The following SUFU variants were observed in gnomAD, a reference collection of about 807,000 sequenced individuals.
The protein encoded by SUFU is suppressor of fused homolog.
SUFU carries 7 observed loss-of-function variants against 58.9 expected under a neutral mutation model. The observed-to-expected ratio is 0.12, with a 90% CI of 0.07 to 0.22. SUFU has a LOEUF of 0.22. Ranked by LOEUF, SUFU falls within the 10% of genes least tolerant of loss-of-function variation. The pLI is 1.00. For missense variants in SUFU, 451 were observed against 641.3 expected (o/e 0.70, Z 3.20); for synonymous variants, 232 against 254.8 (o/e 0.91, Z 0.85).
chr10:102,615,722 C>G (rs2063679622), intron 9 of SUFU, among the ~76,000 whole-genome samples: 1 of 152,172 alleles, frequency 6.6e-6, no homozygotes, highest in Admixed American at 6.5e-5. Context: ...TTGCCCAACC[C>G]TCTGGCTGGC....
Position 102,541,697 on chromosome 10 carries a change from CTTTTTT to C in SUFU, c.318-8254_318-8249del, listed in dbSNP as rs869264798. Among the ~76,000 whole-genome samples, 66 of 56,094 alleles carry C rather than the reference CTTTTTT, an allele frequency of 1.2e-3. No individual in the cohort carries two copies. The Middle Eastern group carries it at 0.079, about 67-fold the overall frequency. 36.8% of individuals were successfully genotyped at this position (56,094 alleles called of 152,430 possible). On this transcript the variant is annotated intron_variant, in intron 2 of 11. Transcript: ENST00000369902. ...TGCAGGCGTGAGCCACCGCGCCCGG[CTTTTTT>C]TTTTTTTTTTTTTTTTTTCCTTTTG...
In SUFU at chr10:102,559,122, C is replaced by T. The variant is rs564563347; in HGVS notation, c.454+9016C>T. On this transcript the variant is annotated intron_variant, in intron 3 of 11. Coordinates refer to ENST00000369902, the MANE Select transcript of SUFU (RefSeq NM_016169.4). ...TGCCATGATCCTAGCGTCCTGATCA[C>T]CCTTGACAGAGTCTACAGGCAGTAA... Among the ~76,000 whole-genome samples, 275 of 152,350 alleles carry T rather than the reference C, an allele frequency of 1.8e-3. 5 individuals carry two copies. In the South Asian group the frequency reaches 0.054, roughly 30 times the overall value.
intron 2 of SUFU, among the ~76,000 whole-genome samples, chr10:102,521,830 G>C (rs1193208568): frequency 6.6e-6 from 1 of 152,164 alleles, no homozygotes; most frequent in Non-Finnish European, 1.5e-5. Flanking sequence ...TGTCTTAGTT[G>C]TAATTTTGCT....
intron 6 of SUFU, among the ~76,000 whole-genome samples, chr10:102,595,700 CT>C (rs1263684629): frequency 6.6e-6 from 1 of 152,176 alleles, no homozygotes; most frequent in Non-Finnish European, 1.5e-5. Flanking sequence ...GGACAGCTTT[CT>C]TTCCTGGTGG....
In SUFU at chr10:102,629,975, C is replaced by A; in HGVS notation, c.1366-91C>A. On this transcript the variant is annotated intron_variant, in intron 11 of 11. Transcript: ENST00000369902. This position sits in a 1 kb window ranked among gnomAD's most constrained non-coding sequence, Gnocchi z 4.7. ...CCCGCGGCCTGTCCTATCCCTAGCTCCCCGGGGACAGGCCTGGGCAATCTC... is the reference window on the plus strand; with the variant it reads ...CCCGCGGCCTGTCCTATCCCTAGCTACCCGGGGACAGGCCTGGGCAATCTC... 1 of 1,208,784 alleles carries A rather than the reference C, an allele frequency of 8.3e-7. No homozygotes were observed. Among genetic ancestry groups the A allele is most frequent in the Non-Finnish European group, 1.2e-6 (1 of 810,338 alleles). 74.9% of individuals were successfully genotyped at this position (1,208,784 alleles called of 1,614,324 possible).
At chr10:102,599,997 A>G (rs2063501928) in intron 8 of SUFU, among the ~76,000 whole-genome samples, 1 of 152,062 alleles carries the variant, frequency 6.6e-6, no homozygotes, top group African/African-American at 2.4e-5. Context: ...CCTGTGGCTG[A>G]GGCCCTTCTT....
At chr10:102,565,043 CAG>C (rs1006740588) in intron 3 of SUFU, among the ~76,000 whole-genome samples, 2 of 152,158 alleles carry the variant, frequency 1.3e-5, no homozygotes, top group Non-Finnish European at 2.9e-5. Context: ...ACCCTGAGAG[CAG>C]AGGTTGGCAA....
chr10:102,537,013 G>T (rs1590004063), intron 2 of SUFU, among the ~76,000 whole-genome samples: 1 of 151,878 alleles, frequency 6.6e-6, no homozygotes. Context: ...GTTTCACTGT[G>T]TTGGCCAGGC....
At chr10:102,610,958 G>C (rs545802073) in intron 8 of SUFU, among the ~76,000 whole-genome samples, 1 of 152,332 alleles carries the variant, frequency 6.6e-6, no homozygotes, top group Non-Finnish European at 1.5e-5. Flanking sequence ...GTTACAAAGA[G>C]TAGATAATTC....
At chr10:102,584,913 A>C (rs1231012026) in intron 3 of SUFU, among the ~76,000 whole-genome samples, 1 of 152,230 alleles carries the variant, frequency 6.6e-6, no homozygotes, top group Non-Finnish European at 1.5e-5. Context: ...AATCTCAAGC[A>C]TCCTTTTCTC....
chr10:102,544,757 C>A (rs1405476719), intron 2 of SUFU, among the ~76,000 whole-genome samples: 1 of 152,170 alleles, frequency 6.6e-6, no homozygotes, highest in Non-Finnish European at 1.5e-5. Context: ...CTGTACCCAT[C>A]AGCAGTCACT....
At chr10:102,542,456 G>A (rs2135725196) in intron 2 of SUFU, among the ~76,000 whole-genome samples, 1 of 150,134 alleles carries the variant, frequency 6.7e-6, no homozygotes, top group Middle Eastern at 3.4e-3. Context: ...TTTTTTTTAA[G>A]TAGAGATGGG....
intron 1 of SUFU, among the ~76,000 whole-genome samples, chr10:102,506,343 T>C (rs1255186480): frequency 1.3e-5 from 2 of 151,964 alleles, no homozygotes; most frequent in Non-Finnish European, 2.9e-5. Context: ...CCTTCCTAGA[T>C]GCAGAAAAGT....
intron 7 of SUFU, among the ~76,000 whole-genome samples, 172 bp downstream of exon 7, chr10:102,597,465 CT>C (rs761923357): frequency 3.9e-5 from 6 of 152,242 alleles, no homozygotes; most frequent in Non-Finnish European, 7.3e-5. Flanking sequence ...ATTAAGGGAG[CT>C]TTATTGGCCC....
chr10:102,598,953 T>A (rs1030165475), intron 7 of SUFU, among the ~76,000 whole-genome samples: 3 of 152,138 alleles, frequency 2.0e-5, no homozygotes, highest in Non-Finnish European at 2.9e-5. Flanking sequence ...AGCATCTCAC[T>A]GACTTGAATG....
intron 2 of SUFU, among the ~76,000 whole-genome samples, chr10:102,517,338 G>A (rs1432589863): frequency 2.0e-5 from 3 of 151,966 alleles, no homozygotes; most frequent in Non-Finnish European, 2.9e-5. Flanking sequence ...ACTGAGTGGT[G>A]TGGTATTGTA....
chr10:102,524,448 C>T (rs1198529915), intron 2 of SUFU, among the ~76,000 whole-genome samples: 1 of 151,528 alleles, frequency 6.6e-6, no homozygotes, highest in Non-Finnish European at 1.5e-5. Context: ...GCCTCACCCT[C>T]CCAAGTAGCT....
intron 3 of SUFU, among the ~76,000 whole-genome samples, chr10:102,580,029 A>ACCC (rs71474507): frequency 0.04 from 3,315 of 83,074 alleles, 116 homozygotes; most frequent in South Asian, 0.056. Context: ...CCTCCCCCGC[A>ACCC]CCCCCCCCCC....
At chr10:102,614,755 G>A (rs1248931887) in intron 8 of SUFU, among the ~76,000 whole-genome samples, 4 of 142,862 alleles carry the variant, frequency 2.8e-5, no homozygotes, top group Non-Finnish European at 6.1e-5. Context: ...GGATGCCTGT[G>A]ATCCCAGCTA....
Sources: allele counts gnomAD v4.1 joint callset (sites outside exome capture counted in the v4.1 genomes callset), GRCh38; gene constraint gnomAD v4.1.1; non-coding constraint Gnocchi (gnomAD v3.1); transcripts MANE v1.5; gene names NCBI Gene and HGNC (gene_info 2026-07-23, HGNC 2026-07-21).